Variants in GNAQ observed in about 807,000 individuals in gnomAD.
The protein encoded by GNAQ is guanine nucleotide-binding protein G(q) subunit alpha.
GNAQ carries 8 observed loss-of-function variants against 43.9 expected under a neutral mutation model. The observed-to-expected ratio is 0.18, with a 90% CI of 0.11 to 0.33. GNAQ has a LOEUF of 0.33. Ranked by LOEUF, GNAQ falls within the 10% of genes least tolerant of loss-of-function variation. The pLI is 1.00. For missense variants in GNAQ, 158 were observed against 450.8 expected (o/e 0.35, Z 5.88); for synonymous variants, 155 against 170.7 (o/e 0.91, Z 0.71).
chr9:78,001,954 C>T (rs761915998), intron 1 of GNAQ, among the ~76,000 whole-genome samples: 5 of 152,294 alleles, frequency 3.3e-5, no homozygotes, highest in Non-Finnish European at 5.9e-5. Context: ...TACTTCATCA[C>T]AATTTTCTAT....
chr9:78,017,293 T>C (rs1285801912), intron 1 of GNAQ, among the ~76,000 whole-genome samples: 1 of 152,140 alleles, frequency 6.6e-6, no homozygotes, highest in Non-Finnish European at 1.5e-5. Context: ...AAAAAAATGA[T>C]CAAAACTGGC....
intron 2 of GNAQ, among the ~76,000 whole-genome samples, chr9:77,903,204 G>T (rs529102383): frequency 3.9e-5 from 6 of 152,164 alleles, no homozygotes; most frequent in African/African-American, 1.4e-4. Context: ...ATTAAAGTTT[G>T]AGGAGCCCCA....
At chr9:77,986,726 C>T (rs1051861817) in intron 1 of GNAQ, among the ~76,000 whole-genome samples, 3 of 151,088 alleles carry the variant, frequency 2.0e-5, no homozygotes, top group African/African-American at 7.3e-5. Context: ...AAGCTAGTCT[C>T]GAACTCCTGG....
intron 1 of GNAQ, among the ~76,000 whole-genome samples, chr9:77,939,086 C>G (rs906621754): frequency 3.9e-5 from 6 of 152,192 alleles, no homozygotes; most frequent in African/African-American, 1.4e-4. Flanking sequence ...CAGTACAAAT[C>G]AAGTTTATCC....
intron 2 of GNAQ, among the ~76,000 whole-genome samples, chr9:77,906,091 G>A (rs932278320): frequency 4.0e-5 from 6 of 149,944 alleles, no homozygotes; most frequent in Non-Finnish European, 6.0e-5. Flanking sequence ...GGAACTTAAA[G>A]TTAAAAAAAA....
At chr9:77,790,594 A>G (rs1054481107) in intron 5 of GNAQ, among the ~76,000 whole-genome samples, 5 of 152,252 alleles carry the variant, frequency 3.3e-5, no homozygotes, top group African/African-American at 1.2e-4. Flanking sequence ...TGGTGTAAGA[A>G]GAGCTTAGAG....
intron 5 of GNAQ, among the ~76,000 whole-genome samples, chr9:77,761,865 C>T (rs1826034833): frequency 1.1e-5 from 1 of 92,720 alleles, no homozygotes; most frequent in African/African-American, 3.9e-5. Flanking sequence ...GGTCAGCCCC[C>T]CGCCTGGCCA....
chr9:77,852,519 T>C (rs1007528788), intron 2 of GNAQ, among the ~76,000 whole-genome samples: 3 of 152,226 alleles, frequency 2.0e-5, no homozygotes, highest in African/African-American at 7.2e-5. Flanking sequence ...CTGGCTTTCA[T>C]GCCCCAAAGG....
chr9:77,760,432 C>G (rs1308371970), intron 5 of GNAQ, among the ~76,000 whole-genome samples: 1 of 152,154 alleles, frequency 6.6e-6, no homozygotes, highest in Non-Finnish European at 1.5e-5. Flanking sequence ...TGGCCTCCAG[C>G]TCCTAACCGC....
intron 5 of GNAQ, among the ~76,000 whole-genome samples, chr9:77,773,602 T>C (rs570659099): frequency 5.4e-4 from 83 of 152,362 alleles, no homozygotes; most frequent in African/African-American, 1.9e-3. Flanking sequence ...GGGACTGCCT[T>C]GGATTTGTAC....
chr9:77,778,220 C>CACAT (rs1159376245), intron 5 of GNAQ, among the ~76,000 whole-genome samples: 8 of 140,306 alleles, frequency 5.7e-5, no homozygotes, highest in Admixed American at 5.6e-4. Flanking sequence ...CGTTTACACA[C>CACAT]ACACACACAC....
At chr9:77,759,654 C>T (rs1825958089) in intron 5 of GNAQ, among the ~76,000 whole-genome samples, 1 of 152,218 alleles carries the variant, frequency 6.6e-6, no homozygotes, top group South Asian at 2.1e-4. Context: ...CTTAGGAAAC[C>T]ATGCCCTACA....
At chr9:77,821,651 C>A (rs1827114608) in intron 2 of GNAQ, among the ~76,000 whole-genome samples, 2 of 151,462 alleles carry the variant, frequency 1.3e-5, no homozygotes, top group East Asian at 1.9e-4. Context: ...TCTTGGGGTA[C>A]AATTTAAAAT....
intron 2 of GNAQ, among the ~76,000 whole-genome samples, chr9:77,878,014 T>C (rs1187954672): frequency 1.5e-4 from 23 of 152,190 alleles, no homozygotes; most frequent in Admixed American, 1.5e-3. Flanking sequence ...CATGTCCCTC[T>C]TTCCCACTAG....
At chr9:77,722,584 G>A (rs1050525429) in intron 6 of GNAQ, among the ~76,000 whole-genome samples, 3 of 150,942 alleles carry the variant, frequency 2.0e-5, no homozygotes, top group African/African-American at 7.3e-5. Context: ...CACAGCACAG[G>A]TCATATTTTT....
At chr9:77,912,388 C>T (rs1828822510) in intron 2 of GNAQ, among the ~76,000 whole-genome samples, 1 of 152,202 alleles carries the variant, frequency 6.6e-6, no homozygotes, top group Non-Finnish European at 1.5e-5. Context: ...TTATACCATA[C>T]TCTATAATCC....
chr9:77,973,501 A>C (rs776849191), intron 1 of GNAQ, among the ~76,000 whole-genome samples: 3 of 152,116 alleles, frequency 2.0e-5, no homozygotes, highest in Non-Finnish European at 4.4e-5. Flanking sequence ...ATTCAAGTCA[A>C]TTCTTTGAGG....
chr9:77,801,348 T>G (rs1214217726), intron 3 of GNAQ, among the ~76,000 whole-genome samples: 3 of 152,172 alleles, frequency 2.0e-5, no homozygotes, highest in Admixed American at 2.0e-4. Context: ...GCAAGAATAC[T>G]TTTTCCTCTT....
In GNAQ at chr9:77,958,985, G is replaced by A. The variant is rs929270548; in HGVS notation, c.137-36640C>T. 2.6e-5 allele frequency among the ~76,000 whole-genome samples: 4 copies of A among 152,286 alleles called. No individual in the cohort carries two copies. The South Asian group carries it at 6.2e-4, about 24-fold the overall frequency. Reference sequence around the variant, plus strand: ...TACTAAGACAATTCATTGAAAAGGAGATAAAGAAAGAAATGAGCATTTTAT... The same window carrying A: ...TACTAAGACAATTCATTGAAAAGGAAATAAAGAAAGAAATGAGCATTTTAT... On this transcript the variant is annotated intron_variant, in intron 1 of 6. Transcript: ENST00000286548.
Sources: allele counts gnomAD v4.1 joint callset (sites outside exome capture counted in the v4.1 genomes callset), GRCh38; gene constraint gnomAD v4.1.1; transcripts MANE v1.5; gene names NCBI Gene and HGNC (gene_info 2026-07-23, HGNC 2026-07-21).